HAT1: variants seen among roughly 807,000 people sequenced by gnomAD.
HAT1 encodes the protein histone acetyltransferase 1.
Under a neutral mutation model 56.6 loss-of-function variants are expected in HAT1, and 20 were observed. That is an observed-to-expected ratio of 0.35 (90% confidence interval 0.25 to 0.51). The LOEUF is 0.51. HAT1 is among the 20% of genes least tolerant of loss of function. The pLI is 0.95. For missense variants in HAT1, 408 were observed against 504.3 expected (o/e 0.81, Z 1.83); for synonymous variants, 146 against 165.5 (o/e 0.88, Z 0.91).
intron 2 of HAT1, among the ~76,000 whole-genome samples, chr2:171,945,996 G>T (rs1395829177): frequency 6.6e-6 from 1 of 152,016 alleles, no homozygotes; most frequent in Non-Finnish European, 1.5e-5. Context: ...AGTAGAGATG[G>T]TTTCACCATG....
Position 171,953,012 on chromosome 2 carries a change from A to T in HAT1, c.309+11A>T. 5.8e-6 allele frequency: 9 copies of T among 1,548,192 alleles called. No individual in the cohort carries two copies. The highest frequency in any genetic ancestry group is 7.9e-6 in the Non-Finnish European group (9 of 1,140,668). ...TTTGACTGTGTAGAGGTAAGAACAG[A>T]AATACTTTTTAAACTGTTTTCCAAT... On this transcript the variant is annotated intron_variant, in intron 4 of 10. Coordinates refer to ENST00000264108, the MANE Select transcript of HAT1 (RefSeq NM_003642.4).
intron 8 of HAT1, among the ~76,000 whole-genome samples, chr2:171,974,638 T>C (rs1687915762): frequency 1.3e-5 from 2 of 152,232 alleles, no homozygotes. Context: ...CAGACATCTA[T>C]GCCTTGCTCC....
chr2:171,932,395 C>T (rs1039350533), intron 2 of HAT1, among the ~76,000 whole-genome samples: 4 of 152,026 alleles, frequency 2.6e-5, no homozygotes, highest in African/African-American at 9.7e-5. Flanking sequence ...TTTTATGTGC[C>T]TTGAGTTTTC....
chr2:171,957,934 T>G (rs920285906), intron 4 of HAT1, among the ~76,000 whole-genome samples: 2 of 152,218 alleles, frequency 1.3e-5, no homozygotes, highest in Non-Finnish European at 2.9e-5. Context: ...TACTTCATAC[T>G]GTATGTCATA....
At chr2:171,963,420 A>G (rs986582633) in intron 4 of HAT1, among the ~76,000 whole-genome samples, 1 of 152,178 alleles carries the variant, frequency 6.6e-6, no homozygotes, top group Admixed American at 6.5e-5. Context: ...GCCCGCCACC[A>G]AAAGTGCTAC....
rs941107824 is a variant in HAT1 at position 171,970,419 on chromosome 2, TCACACACACATA to T, written c.823+3481_823+3492del. 7.5e-5 allele frequency among the ~76,000 whole-genome samples: 11 copies of T among 145,964 alleles called. No individual in the cohort carries two copies. In the South Asian group the frequency reaches 1.6e-3, roughly 21 times the overall value. On this transcript the variant is annotated intron_variant, in intron 8 of 10. Transcript: ENST00000264108. Reference sequence around the variant, plus strand: ...CTCTGTCTCAAAAAAACACACAGATTCACACACACATACACACACACAGCCATACACACATAC... The same window carrying T: ...CTCTGTCTCAAAAAAACACACAGATTCACACACACAGCCATACACACATAC...
chr2:171,925,981 CTTGTATA>C (rs1003505060), intron 2 of HAT1, among the ~76,000 whole-genome samples: 18 of 152,142 alleles, frequency 1.2e-4, no homozygotes, highest in African/African-American at 4.1e-4. Context: ...GAAAAAAACA[CTTGTATA>C]TTGCTGGTGG....
intron 2 of HAT1, among the ~76,000 whole-genome samples, chr2:171,931,178 C>A (rs567788645): frequency 6.6e-6 from 1 of 151,132 alleles, no homozygotes; most frequent in African/African-American, 2.4e-5. Context: ...ATTGCTTGAG[C>A]CCAGGAGTTT....
chr2:171,925,732 G>C, intron 2 of HAT1, 91 bp downstream of exon 2: 1 of 597,778 alleles, frequency 1.7e-6, no homozygotes, highest in Non-Finnish European at 3.0e-6. Context: ...TTTTATGTAA[G>C]AGCAGTTATT....
chr2:171,944,738 G>A (rs1687114493), intron 2 of HAT1, among the ~76,000 whole-genome samples: 1 of 152,168 alleles, frequency 6.6e-6, no homozygotes, highest in African/African-American at 2.4e-5. Flanking sequence ...ATTTGGAAAG[G>A]AGGTGACTAC....
chr2:171,955,127 G>A (rs1687407199), intron 4 of HAT1, among the ~76,000 whole-genome samples: 1 of 151,348 alleles, frequency 6.6e-6, no homozygotes, highest in Admixed American at 6.6e-5. Flanking sequence ...CCAAGTTTGT[G>A]GTAATTTATT....
chr2:171,953,054 T>C, intron 4 of HAT1, 53 bp downstream of exon 4: 1 of 1,347,056 alleles, frequency 7.4e-7, no homozygotes, highest in Non-Finnish European at 1.0e-6. Flanking sequence ...TATTTTAAAA[T>C]AGGTTTTAGG....
intron 2 of HAT1, among the ~76,000 whole-genome samples, chr2:171,931,481 C>G (rs1156959108): frequency 1.3e-5 from 2 of 152,128 alleles, no homozygotes. Context: ...GAAGACAAGC[C>G]TGGTCAACAT....
rs543423254 is a variant in HAT1, at chr2:171,979,450, T to C, written c.1092+87T>C. 25 of 709,090 alleles carry C rather than the reference T, an allele frequency of 3.5e-5. No homozygotes were observed. The African/African-American group carries it at 4.2e-4, about 12-fold the overall frequency. The allele number at this position is 709,090 out of a possible 1,614,324, so 43.9% of individuals were successfully genotyped here. A position where few individuals can be genotyped will look rare whatever the true frequency, so the allele number is the denominator to read the frequency against. ...TACCAAATATCAGTATATGAGAGAG[T>C]CCAAGTCATTTTGTAAAATTAACTT... On this transcript the variant is annotated intron_variant, in intron 10 of 10. Transcript: ENST00000264108.
intron 10 of HAT1, chr2:171,979,582 T>TG (rs1688081780): frequency 2.5e-6 from 1 of 396,832 alleles, no homozygotes. Context: ...CCAAGGCGGG[T>TG]GGATCACCTC....
chr2:171,962,440 G>A (rs1488070500), intron 4 of HAT1, among the ~76,000 whole-genome samples: 2 of 152,190 alleles, frequency 1.3e-5, no homozygotes, highest in African/African-American at 4.8e-5. Flanking sequence ...TGTCACCCAG[G>A]CTGGAGTGCA....
intron 7 of HAT1, 23 bp downstream of exon 7, chr2:171,966,536 C>A: frequency 9.8e-7 from 1 of 1,021,702 alleles, no homozygotes; most frequent in Non-Finnish European, 1.6e-6. Context: ...ATAACACGTG[C>A]CTTGTCTTTT....
At chr2:171,948,076 A>C (rs1687216673) in intron 3 of HAT1, among the ~76,000 whole-genome samples, 1 of 152,162 alleles carries the variant, frequency 6.6e-6, no homozygotes. Context: ...ACCAGTTGCC[A>C]TTTAGCTACA....
At chr2:171,966,384 G>T in intron 6 of HAT1, 25 bp from the exon 7 acceptor site, 1 of 1,203,148 alleles carries the variant, frequency 8.3e-7, no homozygotes, top group South Asian at 1.2e-5. Flanking sequence ...TAATTGACCT[G>T]CTTGGCTTTC....
Sources: gnomAD v4.1 joint callset for allele counts (sites outside exome capture counted in the v4.1 genomes callset) on GRCh38, gnomAD v4.1.1 for gene constraint, MANE v1.5 for transcripts, NCBI Gene and HGNC (gene_info 2026-07-23, HGNC 2026-07-21) for gene names.